The following OCA2 variants were observed in gnomAD, a reference collection of about 807,000 sequenced individuals.
OCA2 encodes the protein OCA2 melanosomal transmembrane protein.
A neutral mutation model predicts 100.2 loss-of-function variants in OCA2; 77 were observed. That is an observed-to-expected ratio of 0.77 (90% CI 0.64 to 0.93). OCA2 has a LOEUF of 0.93. Among genes scored for constraint, OCA2 ranks in the 40% least tolerant of loss-of-function variants. The pLI, the probability that OCA2 is intolerant of heterozygous loss-of-function variation, is 0.00. For synonymous variants in OCA2, 432 were observed against 439.2 expected (o/e 0.98, Z 0.21); for missense variants, 1,062 against 1,089.1 (o/e 0.98, Z 0.35).
intron 23 of OCA2, among the ~76,000 whole-genome samples, chr15:27,770,027 G>A (rs1029666240): frequency 4.6e-5 from 7 of 152,214 alleles, no homozygotes; most frequent in African/African-American, 9.6e-5. Context: ...CCTTTTATGA[G>A]GAAAGGCTAG....
intron 1 of OCA2, among the ~76,000 whole-genome samples, chr15:28,082,869 T>C (rs1430362719): frequency 6.6e-6 from 1 of 152,208 alleles, no homozygotes; most frequent in Non-Finnish European, 1.5e-5. Context: ...TAAGAACTAT[T>C]CCTATACCTC....
intron 19 of OCA2, among the ~76,000 whole-genome samples, chr15:27,915,356 A>G (rs2038627000): frequency 6.6e-6 from 1 of 152,238 alleles, no homozygotes; most frequent in African/African-American, 2.4e-5. Context: ...AAAAGTTGAC[A>G]AATGGGGCCT....
intron 2 of OCA2, among the ~76,000 whole-genome samples, chr15:28,041,408 C>G (rs560331004): frequency 1.3e-5 from 2 of 151,956 alleles, no homozygotes; most frequent in African/African-American, 2.4e-5. Flanking sequence ...GAAAAACGCA[C>G]AGCTAACATC....
At chr15:27,877,962 A>C (rs1358485003) in intron 19 of OCA2, among the ~76,000 whole-genome samples, 1 of 150,816 alleles carries the variant, frequency 6.6e-6, no homozygotes, top group African/African-American at 2.4e-5. Flanking sequence ...TATTTTCATC[A>C]GTTGGCTTTT....
chr15:27,793,799 T>A (rs1045130604), intron 23 of OCA2, among the ~76,000 whole-genome samples: 4 of 152,248 alleles, frequency 2.6e-5, no homozygotes, highest in Admixed American at 6.5e-5. Context: ...CCTCACCCAA[T>A]GACAGAGCCT....
chr15:27,764,636 G>C (rs572564351), intron 23 of OCA2, among the ~76,000 whole-genome samples: 1 of 152,300 alleles, frequency 6.6e-6, no homozygotes, highest in South Asian at 2.1e-4. Flanking sequence ...CCAAGGTAGA[G>C]TCCAGTGGAG....
At chr15:27,951,945 C>T in intron 17 of OCA2, 53 bp from the exon 18 acceptor site, 1 of 1,215,842 alleles carries the variant, frequency 8.2e-7, no homozygotes, top group Non-Finnish European at 1.2e-6. Flanking sequence ...CTGACTCCTG[C>T]AGCGTGTCAT....
At chr15:27,804,805 C>G (rs1003897192) in intron 23 of OCA2, among the ~76,000 whole-genome samples, 3 of 152,250 alleles carry the variant, frequency 2.0e-5, no homozygotes, top group Non-Finnish European at 2.9e-5. Context: ...CACCAGCGTC[C>G]TGCAGCCTAC....
At chr15:27,983,915 T>C (rs1490294455) in intron 13 of OCA2, among the ~76,000 whole-genome samples, 2 of 151,652 alleles carry the variant, frequency 1.3e-5, no homozygotes, top group Non-Finnish European at 2.9e-5. Context: ...CTAGGCTCTC[T>C]TCTCACCCCC....
At chr15:27,764,951 T>C (rs1184825782) in intron 23 of OCA2, among the ~76,000 whole-genome samples, 1 of 152,214 alleles carries the variant, frequency 6.6e-6, no homozygotes, top group African/African-American at 2.4e-5. Context: ...TTCTTGATAT[T>C]TTGTGTAGAT....
intron 14 of OCA2, among the ~76,000 whole-genome samples, chr15:27,973,657 G>A (rs1168098080): frequency 9.2e-5 from 14 of 151,998 alleles, no homozygotes; most frequent in South Asian, 4.2e-4. Flanking sequence ...TTGCTTTGGC[G>A]GCTATTCAGG....
intron 18 of OCA2, among the ~76,000 whole-genome samples, chr15:27,936,488 G>T (rs1424245308): frequency 5.9e-5 from 9 of 152,216 alleles, no homozygotes; most frequent in African/African-American, 2.2e-4. Flanking sequence ...GCAAAAGAAA[G>T]ACCATTTTTT....
At chr15:27,739,867 A>G in the OCA2 span, among the ~76,000 whole-genome samples, 1 of 152,026 alleles carries the variant, frequency 6.6e-6, no homozygotes, top group Admixed American at 6.6e-5. Flanking sequence ...TACCTCAACT[A>G]CAGAAGCCAT....
intron 19 of OCA2, among the ~76,000 whole-genome samples, chr15:27,881,164 A>G (rs1179588757): frequency 6.6e-6 from 1 of 152,140 alleles, no homozygotes; most frequent in African/African-American, 2.4e-5. Flanking sequence ...GATTACATTT[A>G]TTGATTTGAG....
intron 2 of OCA2, among the ~76,000 whole-genome samples, chr15:28,035,144 T>C (rs1246931723): frequency 6.6e-6 from 1 of 152,228 alleles, no homozygotes; most frequent in African/African-American, 2.4e-5. Flanking sequence ...ATCTTCTCTG[T>C]GGTGGCCACA....
intron 3 of OCA2, among the ~76,000 whole-genome samples, chr15:28,031,393 G>A (rs4427755): frequency 0.058 from 8,761 of 152,238 alleles, 846 homozygotes; most frequent in African/African-American, 0.2. Flanking sequence ...TGGAGCAGGC[G>A]GCTCAGGCTT....
At chr15:27,979,961 G>A (rs1422837752) in intron 14 of OCA2, among the ~76,000 whole-genome samples, 1 of 144,306 alleles carries the variant, frequency 6.9e-6, no homozygotes, top group Non-Finnish European at 1.5e-5. Context: ...TGATCCACCC[G>A]CCTCAGCCTC....
At chr15:27,836,828 T>C (rs1375508011) in intron 23 of OCA2, among the ~76,000 whole-genome samples, 5 of 152,208 alleles carry the variant, frequency 3.3e-5, no homozygotes, top group Admixed American at 6.5e-5. Context: ...TTCTAGATGG[T>C]TTATTCTCTA....
chr15:27,930,106 T>C (rs1306348300), intron 18 of OCA2, among the ~76,000 whole-genome samples: 2 of 152,156 alleles, frequency 1.3e-5, no homozygotes, highest in Non-Finnish European at 2.9e-5. Context: ...TCCATACACC[T>C]ACCAATATGA....
Sources: gnomAD v4.1 joint callset for allele counts (sites outside exome capture counted in the v4.1 genomes callset) on GRCh38, gnomAD v4.1.1 for gene constraint, MANE v1.5 for transcripts, NCBI Gene and HGNC (gene_info 2026-07-23, HGNC 2026-07-21) for gene names.